ANO4: variants seen among roughly 807,000 people sequenced by gnomAD.
The protein encoded by ANO4 is anoctamin 4.
ANO4 carries 69 observed loss-of-function variants against 141.9 expected under a neutral mutation model. The ratio of observed to expected loss-of-function variants is 0.49; its 90% CI spans 0.40 to 0.59. ANO4 has a LOEUF of 0.59. ANO4 is among the 20% of genes least tolerant of loss of function. The pLI, the probability that ANO4 is intolerant of heterozygous loss-of-function variation, is 0.00. For synonymous variants in ANO4, 350 were observed against 394.3 expected (o/e 0.89, Z 1.33); for missense variants, 894 against 1,162.2 (o/e 0.77, Z 3.36).
intron 14 of ANO4, 117 bp from the exon 15 acceptor site, chr12:101,079,076 T>C: frequency 2.4e-6 from 2 of 833,304 alleles, no homozygotes; most frequent in Non-Finnish European, 4.0e-6. Flanking sequence ...TGATATTCGA[T>C]GATGCTTACA....
intron 22 of ANO4, among the ~76,000 whole-genome samples, chr12:101,103,838 T>C (rs1303836006): frequency 2.0e-5 from 3 of 151,968 alleles, no homozygotes; most frequent in Non-Finnish European, 4.4e-5. Context: ...GAATTTACAA[T>C]GAAGTAGCAG....
intron 22 of ANO4, among the ~76,000 whole-genome samples, chr12:101,106,238 A>G (rs559316169): frequency 7.4e-4 from 112 of 152,336 alleles, no homozygotes; most frequent in African/African-American, 2.4e-3. Context: ...AGCAGAAAAC[A>G]TAAGAAACAT....
intron 3 of ANO4, among the ~76,000 whole-genome samples, chr12:100,924,646 T>C (rs2041787320): frequency 6.6e-6 from 1 of 152,096 alleles, no homozygotes; most frequent in Non-Finnish European, 1.5e-5. Context: ...TATTAGACAT[T>C]GGAGAGAAAA....
intron 14 of ANO4, among the ~76,000 whole-genome samples, chr12:101,078,124 G>T (rs1354584525): frequency 6.6e-6 from 1 of 152,154 alleles, no homozygotes; most frequent in African/African-American, 2.4e-5. Context: ...TAGAAAAGAA[G>T]AAAGTAATTA....
chr12:101,128,490 A>C lies in ANO4; in HGVS notation c.*634A>C, dbSNP rs79709625. Reference sequence around the variant, plus strand: ...AAATACAGAGATATATAAAGTACATAGAAATTCCTTACTTGTAAATAGCCA... The same window carrying C: ...AAATACAGAGATATATAAAGTACATCGAAATTCCTTACTTGTAAATAGCCA... On this transcript the variant is annotated 3_prime_UTR_variant, in exon 28 of 28. Coordinates refer to ENST00000392977, the MANE Select transcript of ANO4 (RefSeq NM_001286615.2). 4.4e-3 allele frequency: 668 copies of C among 152,800 alleles called. 4 individuals are homozygous for C. The highest frequency in any genetic ancestry group is 0.015 in the African/African-American group (637 of 41,586). 9.5% of individuals were successfully genotyped at this position (152,800 alleles called of 1,614,324 possible).
chr12:101,127,677 C>A (rs2051378823), intron 27 of ANO4, among the ~76,000 whole-genome samples, 184 bp from the exon 28 acceptor site: 1 of 152,194 alleles, frequency 6.6e-6, no homozygotes. Context: ...CTTTAGACTG[C>A]CCTTCTGACT....
chr12:101,094,405 C>A, intron 18 of ANO4, 113 bp downstream of exon 18: 1 of 811,628 alleles, frequency 1.2e-6, no homozygotes, highest in Non-Finnish European at 1.8e-6. Flanking sequence ...TTTTAAAATT[C>A]ATACAACAAG....
chr12:100,783,731 G>T (rs982262253), intron 3 of ANO4, among the ~76,000 whole-genome samples: 5 of 152,146 alleles, frequency 3.3e-5, no homozygotes, highest in African/African-American at 1.2e-4. Context: ...AGCTTTATCT[G>T]CTGTTCTTGG....
chr12:100,902,667 C>T (rs772659256), intron 2 of ANO4, among the ~76,000 whole-genome samples: 2 of 152,376 alleles, frequency 1.3e-5, no homozygotes, highest in Admixed American at 6.5e-5. Flanking sequence ...TGTCACACCA[C>T]CTTCTCTCTC....
At chr12:100,936,819 T>C (rs900023834) in intron 3 of ANO4, among the ~76,000 whole-genome samples, 2 of 152,210 alleles carry the variant, frequency 1.3e-5, no homozygotes, top group African/African-American at 4.8e-5. Context: ...GTCACCCTGC[T>C]AATATGCACA....
At chr12:100,838,282 A>G (rs1805660849) in intron 1 of ANO4, among the ~76,000 whole-genome samples, 1 of 151,638 alleles carries the variant, frequency 6.6e-6, no homozygotes. Context: ...TGCTGCTATA[A>G]GACTGTAAAG....
intron 1 of ANO4, among the ~76,000 whole-genome samples, chr12:100,729,840 A>C (rs2136793063): frequency 6.6e-6 from 1 of 152,338 alleles, no homozygotes; most frequent in African/African-American, 2.4e-5. Flanking sequence ...AAATACTGCC[A>C]CCAAAATTGT....
chr12:100,985,109 G>T (rs904991572), intron 7 of ANO4, among the ~76,000 whole-genome samples: 1 of 152,178 alleles, frequency 6.6e-6, no homozygotes, highest in East Asian at 1.9e-4. Flanking sequence ...TGGGCCAATG[G>T]CCTCTTTCTT....
chr12:100,964,844 C>T (rs1157099676), intron 5 of ANO4, among the ~76,000 whole-genome samples: 1 of 152,168 alleles, frequency 6.6e-6, no homozygotes, highest in African/African-American at 2.4e-5. Context: ...CTCCTTCCCA[C>T]CATTACTTTC....
intron 14 of ANO4, among the ~76,000 whole-genome samples, chr12:101,054,641 A>G (rs1335910597): frequency 1.3e-5 from 2 of 152,124 alleles, no homozygotes; most frequent in Non-Finnish European, 2.9e-5. Context: ...CTGGGATTAC[A>G]GGCGCCCGCC....
chr12:101,111,958 A>G (rs770343169), intron 24 of ANO4, among the ~76,000 whole-genome samples: 3 of 152,304 alleles, frequency 2.0e-5, no homozygotes, highest in Middle Eastern at 3.4e-3. Flanking sequence ...ATGGAATCCA[A>G]TGTAAGAGTG....
intron 1 of ANO4, among the ~76,000 whole-genome samples, chr12:100,866,396 C>G (rs2038754920): frequency 6.6e-6 from 1 of 152,168 alleles, no homozygotes; most frequent in Non-Finnish European, 1.5e-5. Context: ...TTCTCCAGCT[C>G]CTCAGCTGGA....
At chr12:101,045,214 T>G (rs2047572737) in intron 13 of ANO4, among the ~76,000 whole-genome samples, 1 of 152,232 alleles carries the variant, frequency 6.6e-6, no homozygotes, top group African/African-American at 2.4e-5. Flanking sequence ...ATTGATTATT[T>G]CTAATTCTCA....
At chr12:100,726,766 G>A (rs1021998313) in intron 1 of ANO4, among the ~76,000 whole-genome samples, 3 of 152,024 alleles carry the variant, frequency 2.0e-5, no homozygotes, top group African/African-American at 4.8e-5. Flanking sequence ...CTGGTTAAAG[G>A]AACTAGACTT....
Sources: gnomAD v4.1 joint callset for allele counts (sites outside exome capture counted in the v4.1 genomes callset) on GRCh38, gnomAD v4.1.1 for gene constraint, MANE v1.5 for transcripts, NCBI Gene and HGNC (gene_info 2026-07-23, HGNC 2026-07-21) for gene names.